Variants in NEDD4L observed in about 807,000 individuals in gnomAD.
NEDD4L encodes the protein E3 ubiquitin-protein ligase NEDD4-like.
NEDD4L carries 54 observed loss-of-function variants against 148.9 expected under a neutral mutation model. The observed-to-expected ratio is 0.36, with a 90% CI of 0.29 to 0.45. NEDD4L has a LOEUF of 0.45. Among genes scored for constraint, NEDD4L ranks in the 20% least tolerant of loss-of-function variants. NEDD4L has a pLI of 1.00. For synonymous variants in NEDD4L, 433 were observed against 440.7 expected (o/e 0.98, Z 0.22); for missense variants, 856 against 1,233.8 (o/e 0.69, Z 4.59).
chr18:58,241,881 A>G (rs1422094519), intron 2 of NEDD4L, among the ~76,000 whole-genome samples: 1 of 152,042 alleles, frequency 6.6e-6, no homozygotes, highest in Non-Finnish European at 1.5e-5. Context: ...GAGAAAACAA[A>G]AAGTTTGCAA....
chr18:58,252,723 GT>G (rs2048078277), intron 5 of NEDD4L, among the ~76,000 whole-genome samples: 1 of 151,952 alleles, frequency 6.6e-6, no homozygotes, highest in Non-Finnish European at 1.5e-5. Context: ...TCATTTTATT[GT>G]TTTTAATTTT....
At chr18:58,372,963 A>G in intron 23 of NEDD4L, 1 of 501,574 alleles carries the variant, frequency 2.0e-6, no homozygotes, top group African/African-American at 1.9e-5. Context: ...TAAGGACAGG[A>G]TTTAACTGCA....
At chr18:58,069,139 A>C (rs12970284) in intron 1 of NEDD4L, among the ~76,000 whole-genome samples, 2,574 of 145,908 alleles carry the variant, frequency 0.018, 42 homozygotes, top group African/African-American at 0.064. Context: ...CTGTCTCCAA[A>C]AAAAAAAAAA....
At chr18:58,132,696 CTGA>C (rs1431517946) in intron 1 of NEDD4L, among the ~76,000 whole-genome samples, 1 of 152,240 alleles carries the variant, frequency 6.6e-6, no homozygotes, top group East Asian at 1.9e-4. Context: ...CGTTGTCTTA[CTGA>C]GCTTAGTGGG....
chr18:58,356,510 A>G (rs957289742), intron 18 of NEDD4L, among the ~76,000 whole-genome samples: 2 of 152,138 alleles, frequency 1.3e-5, no homozygotes, highest in African/African-American at 4.8e-5. Flanking sequence ...ATTATCACCT[A>G]CACAAGTAAT....
At chr18:58,331,021 C>T in intron 11 of NEDD4L, 107 bp downstream of exon 11, 1 of 1,114,798 alleles carries the variant, frequency 9.0e-7, no homozygotes, top group Non-Finnish European at 1.3e-6. Context: ...TTCCAGCTCC[C>T]AGCTAACTCT....
intron 2 of NEDD4L, among the ~76,000 whole-genome samples, chr18:58,211,077 A>G (rs1599750253): frequency 1.3e-5 from 2 of 152,222 alleles, no homozygotes; most frequent in Non-Finnish European, 1.5e-5. Context: ...GCGAACTAGG[A>G]ATAAAAATAA....
chr18:58,125,304 G>A (rs1033687464), intron 1 of NEDD4L, among the ~76,000 whole-genome samples: 2 of 152,144 alleles, frequency 1.3e-5, no homozygotes, highest in African/African-American at 2.4e-5. Context: ...CAAGCAATGT[G>A]TTTCTAAGCC....
intron 1 of NEDD4L, among the ~76,000 whole-genome samples, chr18:58,151,623 A>ATGTGTGTGTG (rs1491376739): frequency 2.8e-3 from 157 of 56,654 alleles, no homozygotes; most frequent in Middle Eastern, 9.6e-3. Context: ...CTGTGCCTGG[A>ATGTGTGTGTG]TATGTGTGTG....
Position 58,367,732 on chromosome 18 carries a change from T to A in NEDD4L, c.2064-14T>A, listed in dbSNP as rs1402150210. On this transcript the variant is annotated splice_polypyrimidine_tract_variant and intron_variant, in intron 21 of 30. Coordinates refer to ENST00000400345, the MANE Select transcript of NEDD4L (RefSeq NM_001144967.3). ...AAAGTGTGATTGGGCTTTTCTTCTC[T>A]TTCTCCTCAAAAGGGACAACTACAC... The A allele has an allele frequency of 3.7e-6, 6 of 1,612,336 alleles. No homozygotes were observed. The highest frequency in any genetic ancestry group is 5.1e-6 in the Non-Finnish European group (6 of 1,179,468).
chr18:58,193,173 C>T (rs1384259131), intron 2 of NEDD4L, among the ~76,000 whole-genome samples: 1 of 152,192 alleles, frequency 6.6e-6, no homozygotes, highest in Non-Finnish European at 1.5e-5. Flanking sequence ...GAATGTACAT[C>T]TGATTGGAAG....
intron 2 of NEDD4L, among the ~76,000 whole-genome samples, chr18:58,207,313 A>G (rs1031458524): frequency 1.1e-4 from 14 of 125,662 alleles, no homozygotes; most frequent in Non-Finnish European, 2.2e-4. Flanking sequence ...ACCTTATTTT[A>G]GAGATTTTTT....
intron 1 of NEDD4L, among the ~76,000 whole-genome samples, chr18:58,133,379 G>A (rs941272587): frequency 6.6e-6 from 1 of 152,138 alleles, no homozygotes; most frequent in African/African-American, 2.4e-5. Context: ...CCCAGTGAGC[G>A]GGCTCTCACC....
chr18:58,061,516 G>C (rs369751665), intron 1 of NEDD4L, among the ~76,000 whole-genome samples: 1 of 150,976 alleles, frequency 6.6e-6, no homozygotes, highest in Non-Finnish European at 1.5e-5. Flanking sequence ...GGTGGCTCCA[G>C]ACTAGAGGAG....
At chr18:58,337,281 T>A (rs1358228718) in intron 13 of NEDD4L, among the ~76,000 whole-genome samples, 1 of 152,308 alleles carries the variant, frequency 6.6e-6, no homozygotes, top group Admixed American at 6.5e-5. Flanking sequence ...TGTAGATAGA[T>A]CTCCCTACCT....
chr18:58,249,945 A>G (rs1165314533), intron 4 of NEDD4L, among the ~76,000 whole-genome samples: 1 of 152,232 alleles, frequency 6.6e-6, no homozygotes, highest in Non-Finnish European at 1.5e-5. Flanking sequence ...ATAGGAGCTG[A>G]TAGATGCTGT....
Position 58,251,994 on chromosome 18 carries a change from C to A in NEDD4L, c.244-7C>A, listed in dbSNP as rs764956933. On this transcript the variant is annotated splice_polypyrimidine_tract_variant and splice_region_variant and intron_variant, in intron 4 of 30. Transcript: ENST00000400345. ...CGTTTAAAAAATACTATTTATGTTCCTTATAGGTAAACCCATCTAATCACA... is the reference window on the plus strand; with the variant it reads ...CGTTTAAAAAATACTATTTATGTTCATTATAGGTAAACCCATCTAATCACA... 6.6e-7 allele frequency: 1 copy of A among 1,514,934 alleles called. No homozygotes were observed. Among genetic ancestry groups the A allele is most frequent in the Non-Finnish European group, 9.2e-7 (1 of 1,089,936 alleles). 93.8% of individuals were successfully genotyped at this position (1,514,934 alleles called of 1,614,324 possible).
chr18:58,139,842 G>T (rs1177487362), intron 1 of NEDD4L, among the ~76,000 whole-genome samples: 1 of 152,174 alleles, frequency 6.6e-6, no homozygotes, highest in Non-Finnish European at 1.5e-5. Flanking sequence ...CTGAGCAGGT[G>T]GGGGCAGGCA....
intron 1 of NEDD4L, chr18:58,045,370 A>AT: frequency 5.2e-6 from 2 of 383,862 alleles, no homozygotes; most frequent in African/African-American, 2.1e-5. Context: ...CAGCCCTGCC[A>AT]TTTTTTCCTC....
Sources: allele counts gnomAD v4.1 joint callset (sites outside exome capture counted in the v4.1 genomes callset), GRCh38; gene constraint gnomAD v4.1.1; transcripts MANE v1.5; gene names NCBI Gene and HGNC (gene_info 2026-07-23, HGNC 2026-07-21).